Variants in IARS2 observed in about 807,000 individuals in gnomAD.
IARS2 encodes isoleucine--tRNA ligase, mitochondrial.
Under a neutral mutation model 126.3 loss-of-function variants are expected in IARS2, and 56 were observed. The observed-to-expected ratio is 0.44, with a 90% CI of 0.36 to 0.55. The LOEUF is 0.55. Among genes scored for constraint, IARS2 ranks in the 20% least tolerant of loss-of-function variants. The pLI, the probability that IARS2 is intolerant of heterozygous loss-of-function variation, is 0.00. For missense variants in IARS2, 1,127 were observed against 1,245.9 expected, an observed-to-expected ratio of 0.90 and a Z score of 1.44; for synonymous variants, 407 against 441.1, an observed-to-expected ratio of 0.92 and a Z score of 0.97.
chr1:220,107,177 T>A (rs762137303), intron 10 of IARS2, 26 bp downstream of exon 10: 4 of 1,507,798 alleles, frequency 2.7e-6, no homozygotes, highest in East Asian at 4.5e-5. Context: ...GTTGATATCA[T>A]ACATGTTTTC....
At chr1:220,129,511 T>A (rs1342225737) in intron 14 of IARS2, among the ~76,000 whole-genome samples, 1 of 152,192 alleles carries the variant, frequency 6.6e-6, no homozygotes, top group Admixed American at 6.5e-5. Flanking sequence ...CATCCCTCCC[T>A]CTCACCCTTC....
chr1:220,127,128 C>T (rs568427122), intron 14 of IARS2, among the ~76,000 whole-genome samples: 26 of 152,328 alleles, frequency 1.7e-4, no homozygotes, highest in African/African-American at 5.3e-4. Context: ...GGCCACTTGG[C>T]AACCCCAAGG....
rs539979975 is a variant in IARS2, at chr1:220,101,986, G to A, written c.551-143G>A. ...CACTCGCGCCACTGCACTCTAGCCT[G>A]GGTGACAGCGAGACTGTGTCTCAAA... On this transcript the variant is annotated intron_variant, in intron 3 of 22. Coordinates refer to ENST00000366922, the MANE Select transcript of IARS2 (RefSeq NM_018060.4). 228 of 698,418 alleles carry A rather than the reference G, an allele frequency of 3.3e-4. No individual in the cohort carries two copies. The African/African-American group carries it at 3.8e-3, about 12-fold the overall frequency. The allele number at this position is 698,418 out of a possible 1,614,324, so 43.3% of individuals were successfully genotyped here.
intron 1 of IARS2, among the ~76,000 whole-genome samples, chr1:220,095,774 T>C (rs1320490222): frequency 1.3e-5 from 2 of 152,154 alleles, no homozygotes; most frequent in African/African-American, 4.8e-5. Context: ...TCCTTCAACA[T>C]GTCGGGGGTG....
chr1:220,137,912 G>A lies in IARS2; in HGVS notation c.2050-6G>A. On this transcript the variant is annotated splice_region_variant and splice_polypyrimidine_tract_variant and intron_variant, in intron 16 of 22. Coordinates refer to ENST00000366922, the MANE Select transcript of IARS2 (RefSeq NM_018060.4). ...TGTGTTTATATATTTTTTTCTCAAT[G>A]AAAAGGATCAAAGCAAAGAGCCTCC... The A allele has an allele frequency of 6.2e-7, 1 of 1,613,228 alleles. No homozygotes were observed.
chr1:220,103,625 A>AC, intron 8 of IARS2, 63 bp downstream of exon 8: 1 of 954,614 alleles, frequency 1.0e-6, no homozygotes, highest in Non-Finnish European at 1.7e-6. Flanking sequence ...TGAATTTACT[A>AC]CTTTGCTGAA....
chr1:220,140,306 A>G lies in IARS2; in HGVS notation c.2414+17A>G, dbSNP rs554889503. 6 of 1,430,812 alleles carry G rather than the reference A, an allele frequency of 4.2e-6. No homozygotes were observed. The East Asian group carries it at 1.1e-4, about 27-fold the overall frequency. The allele number at this position is 1,430,812 out of a possible 1,614,324, so 88.6% of individuals were successfully genotyped here. A position where few individuals can be genotyped will look rare whatever the true frequency, so the allele number is the denominator to read the frequency against. ...CAAAGATAGGTATGTATGACTAAAT[A>G]TTAAAATGCTTAACAATGGCCAGGT... is the stretch of plus-strand genomic sequence containing the variant. On this transcript the variant is annotated intron_variant, in intron 19 of 22. Coordinates refer to ENST00000366922, the MANE Select transcript of IARS2 (RefSeq NM_018060.4).
At chr1:220,138,687 A>C (rs944315452) in intron 17 of IARS2, among the ~76,000 whole-genome samples, 6 of 152,072 alleles carry the variant, frequency 3.9e-5, no homozygotes, top group African/African-American at 1.4e-4. Context: ...GAAGCAAGTG[A>C]AATAACATTA....
intron 22 of IARS2, among the ~76,000 whole-genome samples, 164 bp from the exon 23 acceptor site, chr1:220,147,329 C>T (rs1021337149): frequency 6.6e-6 from 1 of 152,020 alleles, no homozygotes; most frequent in Non-Finnish European, 1.5e-5. Flanking sequence ...TTGTATGATC[C>T]CATTATCTTG....
chr1:220,114,758 G>A lies in IARS2; in HGVS notation c.1640+284G>A, dbSNP rs79926357. Among the ~76,000 whole-genome samples, 10,894 of 152,246 alleles carry A rather than the reference G, an allele frequency of 0.072. 521 individuals are homozygous for A. Among genetic ancestry groups the A allele is most frequent in the South Asian group, 0.15 (739 of 4,826 alleles). On this transcript the variant is annotated intron_variant, in intron 12 of 22. Transcript: ENST00000366922. ...GGTATCATGGATCCAAAGATGGACA[G>A]TGTTTAGCAGGGGAGCCTGAAATGT...
chr1:220,118,052 T>C, intron 12 of IARS2: 2 of 430,746 alleles, frequency 4.6e-6, no homozygotes, highest in South Asian at 3.6e-5. Context: ...CATTTGTTAA[T>C]TTTATAAAAC....
chr1:220,139,360 A>C (rs1020723996), intron 18 of IARS2, among the ~76,000 whole-genome samples: 2 of 152,202 alleles, frequency 1.3e-5, no homozygotes, highest in African/African-American at 4.8e-5. Flanking sequence ...CTTTATCTGC[A>C]CATGTGCTCC....
chr1:220,140,649 A>G (rs1657469929), intron 19 of IARS2, among the ~76,000 whole-genome samples: 1 of 151,604 alleles, frequency 6.6e-6, no homozygotes, highest in African/African-American at 2.4e-5. Context: ...ACCGTCAGGG[A>G]TACAGTGATG....
At chr1:220,102,462 C>T in intron 5 of IARS2, 33 bp from the exon 6 acceptor site, 1 of 1,609,622 alleles carries the variant, frequency 6.2e-7, no homozygotes, top group Non-Finnish European at 8.5e-7. Context: ...GTGAGGCTTC[C>T]AAGTATTTAT....
At chr1:220,126,511 G>C (rs576983447) in intron 13 of IARS2, among the ~76,000 whole-genome samples, 1 of 152,250 alleles carries the variant, frequency 6.6e-6, no homozygotes, top group Admixed American at 6.5e-5. Context: ...TAATTTCAAG[G>C]AAATAAAAAC....
At chr1:220,117,821 G>A (rs370502168) in intron 12 of IARS2, 192 of 511,588 alleles carry the variant, frequency 3.8e-4, no homozygotes, top group Middle Eastern at 6.4e-4. Flanking sequence ...CTGCCATTGC[G>A]TTGGTTGCGT....
In IARS2 at chr1:220,102,357, T is replaced by G. The variant is rs775825237; in HGVS notation, c.700-6T>G. On this transcript the variant is annotated splice_polypyrimidine_tract_variant and splice_region_variant and intron_variant, in intron 4 of 22. Transcript: ENST00000366922. ...ACTTTTAACATCATATTTTTGTCTTTTATAGGGCTTGGTTTATCGATCTTA... is the reference window on the plus strand; with the variant it reads ...ACTTTTAACATCATATTTTTGTCTTGTATAGGGCTTGGTTTATCGATCTTA... 1 of 1,613,546 alleles carries G rather than the reference T, an allele frequency of 6.2e-7. No homozygotes were observed. Among genetic ancestry groups the G allele is most frequent in the South Asian group, 1.1e-5 (1 of 90,888 alleles).
intron 11 of IARS2, among the ~76,000 whole-genome samples, chr1:220,112,532 C>T (rs927809656): frequency 1.3e-5 from 2 of 151,064 alleles, no homozygotes; most frequent in Admixed American, 6.6e-5. Context: ...GATATTTTAG[C>T]ACATATATTT....
At position 220,119,086 on chromosome 1, in the gene IARS2, G is replaced by T. The variant is rs74770127; in HGVS notation, c.1640+4612G>T. 2.2e-4 allele frequency among the ~76,000 whole-genome samples: 33 copies of T among 152,294 alleles called. No homozygotes were observed. In the East Asian group the frequency reaches 6.2e-3, roughly 28 times the overall value. On this transcript the variant is annotated intron_variant, in intron 12 of 22. Transcript: ENST00000366922. ...CACAGAAGACAGTGGGATGACAGCA[G>T]TCGTTTCTTTGTTGCTTTAGTAATC...
Sources: allele counts gnomAD v4.1 joint callset (sites outside exome capture counted in the v4.1 genomes callset), GRCh38; gene constraint gnomAD v4.1.1; transcripts MANE v1.5; gene names NCBI Gene and HGNC (gene_info 2026-07-23, HGNC 2026-07-21).